Variants in TXLNG observed in about 807,000 individuals in gnomAD.
The protein encoded by TXLNG is taxilin gamma.
TXLNG carries 5 observed loss-of-function variants against 38.8 expected under a neutral mutation model. The ratio of observed to expected loss-of-function variants is 0.13; its 90% CI spans 0.07 to 0.27. TXLNG has a LOEUF of 0.27. Ranked by LOEUF, TXLNG falls within the 10% of genes least tolerant of loss-of-function variation. The pLI is 1.00. For synonymous variants in TXLNG, 182 were observed against 158.2 expected (o/e 1.15, Z -1.13); for missense variants, 393 against 398.2 (o/e 0.99, Z 0.11).
Position 16,837,606 on chromosome X carries a change from T to C in TXLNG, c.1073T>C (p.Met358Thr). The C allele has an allele frequency of 8.3e-7, 1 of 1,202,934 alleles. No homozygotes were observed. The highest frequency in any genetic ancestry group is 1.8e-5 in the South Asian group (1 of 55,397). The change falls in exon 8 of 10, where the codon ATG becomes ACG. Residue 358 changes from methionine to threonine, a missense_variant. Physicochemically the swap from Met to Thr is moderately conservative, Grantham distance 81. Transcript: ENST00000380122. ...TTTTTCCTATAGCTTTCTCTTTATATGGATAAGTTTGAAGAATTCCAGACT... is the reference window on the plus strand; with the variant it reads ...TTTTTCCTATAGCTTTCTCTTTATACGGATAAGTTTGAAGAATTCCAGACT... ...VQLKQQLSLY[M>T]DKFEEFQTTM... is the part of the protein sequence containing the mutation.
At chrX:16,830,038 A>G (rs1026698036) in intron 5 of TXLNG, among the ~76,000 whole-genome samples, 1 of 110,934 alleles carries the variant, frequency 9.0e-6, no homozygotes, top group African/African-American at 3.3e-5. Flanking sequence ...GAAGATTGCA[A>G]TTTTCGCATG....
rs890625334 is a variant in TXLNG, at chrX:16,843,648, T to G, written c.*1882T>G. The G allele has an allele frequency of 8.9e-6, 1 of 112,287 alleles. No homozygotes were observed. The highest frequency in any genetic ancestry group is 3.2e-5 in the African/African-American group (1 of 30,840). The allele number at this position is 112,287 out of a possible 1,213,427, so 9.3% of individuals were successfully genotyped here. A position where few individuals can be genotyped will look rare whatever the true frequency, so the allele number is the denominator to read the frequency against. ...GGATGTACAGCTCTTAACATTTTAT[T>G]AAGCCATTTGTGTAGCCCACCACGT... is the stretch of plus-strand genomic sequence containing the variant. On this transcript the variant is annotated 3_prime_UTR_variant, in exon 10 of 10. Coordinates refer to ENST00000380122, the MANE Select transcript of TXLNG (RefSeq NM_018360.3).
At chrX:16,792,342 C>T (rs1473360048) in intron 1 of TXLNG, among the ~76,000 whole-genome samples, 1 of 112,018 alleles carries the variant, frequency 8.9e-6, no homozygotes, top group Non-Finnish European at 1.9e-5. Flanking sequence ...GAAGTTTCTG[C>T]TTACCTCGTT....
intron 1 of TXLNG, among the ~76,000 whole-genome samples, chrX:16,792,045 G>A (rs1271765567): frequency 3.6e-5 from 4 of 112,297 alleles, no homozygotes; most frequent in Non-Finnish European, 7.5e-5. Context: ...TAGATATGCT[G>A]TCACAGTTTT....
At chrX:16,809,591 G>T (rs760765231) in intron 1 of TXLNG, among the ~76,000 whole-genome samples, 1 of 110,145 alleles carries the variant, frequency 9.1e-6, no homozygotes, top group Non-Finnish European at 1.9e-5. Context: ...TTATCTGCCC[G>T]CCTCAGCCTC....
intron 9 of TXLNG, among the ~76,000 whole-genome samples, 166 bp from the exon 10 acceptor site, chrX:16,841,262 G>A (rs1414098762): frequency 9.0e-6 from 1 of 111,530 alleles, no homozygotes; most frequent in Admixed American, 9.5e-5. Flanking sequence ...ATCTCATTCG[G>A]TATAGTTATG....
chrX:16,809,647 A>C (rs1341181666), intron 1 of TXLNG, among the ~76,000 whole-genome samples: 6 of 110,597 alleles, frequency 5.4e-5, no homozygotes, highest in Non-Finnish European at 1.1e-4. Context: ...CCAGGCCAAG[A>C]TATTTTCTTC....
At chrX:16,798,631 G>A (rs1927971812) in intron 1 of TXLNG, among the ~76,000 whole-genome samples, 1 of 109,196 alleles carries the variant, frequency 9.2e-6, no homozygotes. Context: ...TGTCGCCCAG[G>A]CTGGAATACA....
At chrX:16,832,410 G>A (rs745489444) in intron 5 of TXLNG, among the ~76,000 whole-genome samples, 13 of 112,278 alleles carry the variant, frequency 1.2e-4, no homozygotes, top group African/African-American at 3.9e-4. Flanking sequence ...AAAGGGCCAC[G>A]CTTCTGCCCA....
chrX:16,787,182 G>C (rs1344571912), intron 1 of TXLNG, among the ~76,000 whole-genome samples: 2 of 112,178 alleles, frequency 1.8e-5, no homozygotes, highest in African/African-American at 6.5e-5. Flanking sequence ...GCAGGCGAGC[G>C]GGTGAGTGTC....
chrX:16,799,793 G>A lies in TXLNG; in HGVS notation c.102+13204G>A, dbSNP rs181509102. Among the ~76,000 whole-genome samples, 870 of 111,287 alleles carry A rather than the reference G, an allele frequency of 7.8e-3. 8 individuals are homozygous for A. The highest frequency in any genetic ancestry group is 0.027 in the African/African-American group (819 of 30,658). On this transcript the variant is annotated intron_variant, in intron 1 of 9. Coordinates refer to ENST00000380122, the MANE Select transcript of TXLNG (RefSeq NM_018360.3). ...CTCAAAAAAATAAATAAGATGTCAG[G>A]CATTTAGTAATGTTAGTTTTTTTAT...
At position 16,839,984 on chromosome X, in the gene TXLNG, CG is replaced by C. The variant is rs1929733445; in HGVS notation, c.1248+72del. On this transcript the variant is annotated intron_variant, in intron 9 of 9. Coordinates refer to ENST00000380122, the MANE Select transcript of TXLNG (RefSeq NM_018360.3). ...GGACTCCTTGAGTTCAGGTACCTATCGGGGCCGGGGACGTGTGCTGTAACAC... is the reference window on the plus strand; with the variant it reads ...GGACTCCTTGAGTTCAGGTACCTATCGGGCCGGGGACGTGTGCTGTAACAC... 4.8e-6 allele frequency: 4 copies of C among 837,163 alleles called. No individual in the cohort carries two copies. The South Asian group carries it at 8.9e-5, about 19-fold the overall frequency. The allele number at this position is 837,163 out of a possible 1,213,427, so 69.0% of individuals were successfully genotyped here. A position where few individuals can be genotyped will look rare whatever the true frequency, so the allele number is the denominator to read the frequency against.
chrX:16,839,965 C>T (rs1252314062), intron 9 of TXLNG, 49 bp downstream of exon 9: 1 of 986,895 alleles, frequency 1.0e-6, no homozygotes, highest in East Asian at 3.2e-5. Context: ...ATGGGGACTC[C>T]TTGAGTTCAG....
At chrX:16,818,315 T>G (rs1928816074) in intron 1 of TXLNG, among the ~76,000 whole-genome samples, 1 of 111,950 alleles carries the variant, frequency 8.9e-6, no homozygotes, top group Non-Finnish European at 1.9e-5. Context: ...TATGTGGAAA[T>G]CAATTTAGAT....
intron 1 of TXLNG, among the ~76,000 whole-genome samples, chrX:16,809,231 A>ACTC (rs1928424178): frequency 9.2e-6 from 1 of 109,285 alleles, no homozygotes; most frequent in African/African-American, 3.3e-5. Flanking sequence ...CCCCGACTGG[A>ACTC]CTCCTTGGTG....
At chrX:16,797,859 A>C (rs1055286048) in intron 1 of TXLNG, among the ~76,000 whole-genome samples, 5 of 112,786 alleles carry the variant, frequency 4.4e-5, no homozygotes, top group African/African-American at 1.6e-4. Context: ...AAAATTAAAA[A>C]TAGCTGATTT....
intron 4 of TXLNG, among the ~76,000 whole-genome samples, chrX:16,829,001 C>G (rs1263532953): frequency 9.0e-6 from 1 of 111,490 alleles, no homozygotes; most frequent in Non-Finnish European, 1.9e-5. Context: ...CTTTTGAGCC[C>G]TTGGATTTAG....
intron 9 of TXLNG, 26 bp from the exon 10 acceptor site, chrX:16,841,402 T>G (rs775456349): frequency 1.7e-6 from 2 of 1,164,691 alleles, no homozygotes; most frequent in Admixed American, 5.1e-5. Context: ...TTAACAGGGT[T>G]ACAGAAATCC....
chrX:16,804,972 C>CCG (rs1555990659), intron 1 of TXLNG, among the ~76,000 whole-genome samples: 1 of 2,010 alleles, frequency 5.0e-4, no homozygotes, highest in Non-Finnish European at 1.2e-3. Flanking sequence ...CCACTGCCCA[C>CCG]CCCCCCCCCC....
Sources: allele counts gnomAD v4.1 joint callset (sites outside exome capture counted in the v4.1 genomes callset), GRCh38; gene constraint gnomAD v4.1.1; transcripts MANE v1.5; gene names NCBI Gene and HGNC (gene_info 2026-07-23, HGNC 2026-07-21).